The following MAPKAP1 variants were observed in gnomAD, a reference collection of about 807,000 sequenced individuals.
MAPKAP1 encodes target of rapamycin complex 2 subunit MAPKAP1.
In MAPKAP1, 20 loss-of-function variants were observed where a neutral mutation model predicts 65.7. The ratio of observed to expected loss-of-function variants is 0.30; its 90% CI spans 0.21 to 0.44. MAPKAP1 has a LOEUF of 0.44. Ranked by LOEUF, MAPKAP1 falls within the 20% of genes least tolerant of loss-of-function variation. The probability of loss-of-function intolerance (pLI) is 1.00; values close to 1 mark genes in which losing one functional copy is unlikely to be tolerated. For synonymous variants in MAPKAP1, 222 were observed against 244.3 expected (o/e 0.91, Z 0.85); for missense variants, 423 against 648.0 (o/e 0.65, Z 3.77).
intron 4 of MAPKAP1, among the ~76,000 whole-genome samples, chr9:125,619,488 A>C (rs1017881727): frequency 1.3e-5 from 2 of 152,038 alleles, no homozygotes; most frequent in African/African-American, 4.8e-5. Context: ...AAAAAAAAAA[A>C]ACTGCGTTTT....
chr9:125,604,415 C>T (rs1473615039), intron 4 of MAPKAP1, among the ~76,000 whole-genome samples: 1 of 152,092 alleles, frequency 6.6e-6, no homozygotes, highest in Non-Finnish European at 1.5e-5. Flanking sequence ...TTGTAATCAT[C>T]ACCACCACAT....
At chr9:125,510,722 A>G (rs1049040696) in intron 7 of MAPKAP1, among the ~76,000 whole-genome samples, 4 of 152,242 alleles carry the variant, frequency 2.6e-5, no homozygotes, top group Non-Finnish European at 4.4e-5. Context: ...TAAGCTGCAT[A>G]TGAAACTCGA....
chr9:125,655,069 A>C (rs1471285593), intron 4 of MAPKAP1, among the ~76,000 whole-genome samples: 1 of 152,162 alleles, frequency 6.6e-6, no homozygotes, highest in Non-Finnish European at 1.5e-5. Context: ...GAGGGGGAAA[A>C]AAACTGTACA....
intron 1 of MAPKAP1, among the ~76,000 whole-genome samples, chr9:125,682,849 C>T (rs1834862350): frequency 6.6e-6 from 1 of 152,122 alleles, no homozygotes; most frequent in Admixed American, 6.5e-5. Flanking sequence ...TTATAAGGCA[C>T]TTACTACATG....
chr9:125,566,606 A>G (rs1457604412), intron 5 of MAPKAP1, among the ~76,000 whole-genome samples: 2 of 151,598 alleles, frequency 1.3e-5, no homozygotes, highest in East Asian at 3.9e-4. Flanking sequence ...AAGAAAAAAG[A>G]CTTCTTCATT....
intron 6 of MAPKAP1, among the ~76,000 whole-genome samples, chr9:125,556,438 G>A (rs566359447): frequency 8.5e-5 from 13 of 152,304 alleles, no homozygotes; most frequent in East Asian, 3.9e-4. Context: ...CAGGGATGGC[G>A]TCAAATCCAG....
rs1315408933 is a variant in MAPKAP1, at chr9:125,657,708, T to A, written c.441A>T (p.Glu147Asp). 5.0e-6 allele frequency: 8 copies of A among 1,614,060 alleles called. No individual in the cohort carries two copies. The Middle Eastern group carries it at 6.6e-4, about 133-fold the overall frequency. ...GGTTATTCAGCTGCAGAGGGCACTG[T>A]TCTAGGCGTACAGATAATATCGACT... is the stretch of plus-strand genomic sequence containing the variant. The part of the protein sequence containing the change: ...GKQSILSVRL[E>D]QCPLQLNNPF... Residue 147 changes from glutamate to aspartate, a missense_variant, in exon 4 of 12, where the codon GAA becomes GAT. By Grantham distance (45) the Glu-to-Asp change is conservative. This residue lies in a region of MAPKAP1 where 67 missense variants were observed against 69.6 expected (regional missense o/e 0.96). Transcript: ENST00000265960.
At chr9:125,484,190 C>A (rs188811980) in intron 9 of MAPKAP1, among the ~76,000 whole-genome samples, 17 of 152,182 alleles carry the variant, frequency 1.1e-4, no homozygotes, top group Non-Finnish European at 1.9e-4. Flanking sequence ...GGAACTTCAC[C>A]GAAGTCAATC....
intron 7 of MAPKAP1, among the ~76,000 whole-genome samples, chr9:125,516,406 C>T (rs866112059): frequency 1.1e-4 from 17 of 152,182 alleles, no homozygotes; most frequent in African/African-American, 3.9e-4. Flanking sequence ...ACACCAGACA[C>T]ATAGAAGCGG....
intron 4 of MAPKAP1, among the ~76,000 whole-genome samples, chr9:125,605,595 C>T (rs569428535): frequency 6.6e-6 from 1 of 152,290 alleles, no homozygotes; most frequent in African/African-American, 2.4e-5. Flanking sequence ...ACCGCACGGC[C>T]GCATCTCTGC....
At chr9:125,697,557 A>T (rs929951963) in intron 1 of MAPKAP1, among the ~76,000 whole-genome samples, 3 of 152,168 alleles carry the variant, frequency 2.0e-5, no homozygotes, top group African/African-American at 7.2e-5. Context: ...ACTGTATATT[A>T]TTTCCATTCT....
At chr9:125,619,537 G>A (rs1400732398) in intron 4 of MAPKAP1, among the ~76,000 whole-genome samples, 1 of 151,560 alleles carries the variant, frequency 6.6e-6, no homozygotes, top group Non-Finnish European at 1.5e-5. Flanking sequence ...ATTCTTATAT[G>A]TGTGAAAATC....
intron 4 of MAPKAP1, among the ~76,000 whole-genome samples, chr9:125,657,290 C>T (rs1323981415): frequency 6.6e-6 from 1 of 151,902 alleles, no homozygotes; most frequent in African/African-American, 2.4e-5. Flanking sequence ...CCTCCCCCTC[C>T]CCTTTCTCTC....
At chr9:125,616,066 G>C (rs1832739507) in intron 4 of MAPKAP1, among the ~76,000 whole-genome samples, 1 of 152,088 alleles carries the variant, frequency 6.6e-6, no homozygotes, top group Non-Finnish European at 1.5e-5. Flanking sequence ...AAAAGTCCAG[G>C]AAGAGCAGCA....
At chr9:125,688,160 C>T (rs772694418) in intron 1 of MAPKAP1, among the ~76,000 whole-genome samples, 23 of 151,782 alleles carry the variant, frequency 1.5e-4, no homozygotes, top group Non-Finnish European at 3.1e-4. Flanking sequence ...TTTTTTGAGA[C>T]GGAGTTTTGC....
chr9:125,532,319 A>G (rs1325731611), intron 7 of MAPKAP1, among the ~76,000 whole-genome samples: 1 of 152,212 alleles, frequency 6.6e-6, no homozygotes, highest in Non-Finnish European at 1.5e-5. Context: ...GAATACAATA[A>G]GTATTCAGTA....
At chr9:125,675,929 CTTAT>C (rs1465509963) in intron 1 of MAPKAP1, among the ~76,000 whole-genome samples, 1 of 152,268 alleles carries the variant, frequency 6.6e-6, no homozygotes, top group African/African-American at 2.4e-5. Flanking sequence ...CACTATTCAA[CTTAT>C]TCTAACAAGA....
In MAPKAP1 at chr9:125,595,871, G is replaced by A; in HGVS notation, c.499-10144C>T. ...CACCTATGCCACTGTGGAGGAGGTGGATGCAGCCATGAATGCAAGGCCACA... is the reference window on the plus strand; with the variant it reads ...CACCTATGCCACTGTGGAGGAGGTGAATGCAGCCATGAATGCAAGGCCACA... On this transcript the variant is annotated intron_variant, in intron 4 of 11. Coordinates refer to ENST00000265960, the MANE Select transcript of MAPKAP1 (RefSeq NM_001006617.3). The surrounding 1 kb of genome is among the most constrained non-coding windows in gnomAD (Gnocchi z 4.0). The A allele has an allele frequency of 8.8e-7, 1 of 1,139,166 alleles. No individual in the cohort carries two copies. Among genetic ancestry groups the A allele is most frequent in the South Asian group, 1.2e-5 (1 of 81,706 alleles). 70.6% of individuals were successfully genotyped at this position (1,139,166 alleles called of 1,614,324 possible).
At chr9:125,655,824 C>T (rs540059379) in intron 4 of MAPKAP1, among the ~76,000 whole-genome samples, 4 of 152,208 alleles carry the variant, frequency 2.6e-5, no homozygotes, top group African/African-American at 4.8e-5. Flanking sequence ...TCACATCCTT[C>T]GTGGATTACA....
Sources: allele counts gnomAD v4.1 joint callset (sites outside exome capture counted in the v4.1 genomes callset), GRCh38; gene constraint gnomAD v4.1.1; regional missense constraint gnomAD v4.1.1; non-coding constraint Gnocchi (gnomAD v3.1); transcripts MANE v1.5; gene names NCBI Gene and HGNC (gene_info 2026-07-23, HGNC 2026-07-21).